CDH12: variants seen among roughly 807,000 people sequenced by gnomAD.
The protein encoded by CDH12 is cadherin 12, also known as cadherin-12.
In CDH12, 41 loss-of-function variants were observed where a neutral mutation model predicts 74.1. That is an observed-to-expected ratio of 0.55 (90% CI 0.43 to 0.72). CDH12 has a LOEUF of 0.72. Among genes scored for constraint, CDH12 ranks in the 30% least tolerant of loss-of-function variants. The pLI is 0.00. For missense variants in CDH12, 945 were observed against 977.2 expected (o/e 0.97, Z 0.44); for synonymous variants, 399 against 355.0 (o/e 1.12, Z -1.39).
At chr5:22,636,452 T>C (rs1481521026) in intron 1 of CDH12, among the ~76,000 whole-genome samples, 1 of 152,192 alleles carries the variant, frequency 6.6e-6, no homozygotes, top group East Asian at 1.9e-4. Context: ...AAATGCAATA[T>C]TGTATATCCA....
intron 13 of CDH12, among the ~76,000 whole-genome samples, chr5:21,759,546 ATAT>A (rs750651716): frequency 7.2e-5 from 11 of 152,268 alleles, no homozygotes; most frequent in East Asian, 1.9e-4. Flanking sequence ...TTAATAAAAA[ATAT>A]TATGAGGTTG....
intron 1 of CDH12, among the ~76,000 whole-genome samples, chr5:22,729,697 C>A (rs920049067): frequency 2.0e-5 from 3 of 151,846 alleles, no homozygotes; most frequent in African/African-American, 7.3e-5. Context: ...AAGTAGAAAT[C>A]CTCTTAGTAG....
chr5:22,298,648 A>G (rs1223490014), intron 3 of CDH12, among the ~76,000 whole-genome samples: 2 of 152,160 alleles, frequency 1.3e-5, no homozygotes, highest in Non-Finnish European at 1.5e-5. Context: ...AGCATTCACT[A>G]TTCTCATTCA....
chr5:21,928,582 G>A (rs914557504), intron 6 of CDH12, among the ~76,000 whole-genome samples: 4 of 152,192 alleles, frequency 2.6e-5, no homozygotes, highest in Middle Eastern at 3.2e-3. Context: ...TGATGTATGA[G>A]GATTAGAGTT....
intron 2 of CDH12, among the ~76,000 whole-genome samples, chr5:22,424,002 C>CAAAAAAAAAAAAAAAAAAAAAAAAAAAA (rs1165781089): frequency 3.2e-5 from 1 of 31,222 alleles, no homozygotes; most frequent in Non-Finnish European, 6.4e-5. Context: ...GACTCTGTCT[C>CAAAAAAAAAAAAAAAAAAAAAAAAAAAA]AAAAAAAAAA....
chr5:22,625,661 C>G (rs1320098248), intron 1 of CDH12, among the ~76,000 whole-genome samples: 1 of 152,176 alleles, frequency 6.6e-6, no homozygotes, highest in Non-Finnish European at 1.5e-5. Context: ...CCTGTCCTAT[C>G]TGAGTGGCCC....
At chr5:22,375,087 T>C (rs1350986497) in intron 3 of CDH12, among the ~76,000 whole-genome samples, 1 of 152,048 alleles carries the variant, frequency 6.6e-6, no homozygotes. Flanking sequence ...CAGCTTCACA[T>C]TGGTATAAAA....
chr5:22,566,132 A>C (rs1739269119), intron 1 of CDH12, among the ~76,000 whole-genome samples: 2 of 152,340 alleles, frequency 1.3e-5, no homozygotes, highest in South Asian at 4.1e-4. Flanking sequence ...CACACACACA[A>C]AAGAATATAT....
rs75932726 is a variant in CDH12 at position 22,658,099 on chromosome 5, T to A, written c.-522-152735A>T. Among the ~76,000 whole-genome samples, 1,510 of 152,258 alleles carry A rather than the reference T, an allele frequency of 9.9e-3. 26 individuals carry two copies. The highest frequency in any genetic ancestry group is 0.041 in the Admixed American group (623 of 15,284). On this transcript the variant is annotated intron_variant, in intron 1 of 14. Coordinates refer to ENST00000382254, the MANE Select transcript of CDH12 (RefSeq NM_004061.5). The stretch of plus-strand genomic sequence containing the variant: ...TGTAGTGATAGCTTTTGCATATGAA[T>A]CACCTGATCTGTCACTGAGTTAAGT...
chr5:22,558,860 G>T (rs905097997), intron 1 of CDH12, among the ~76,000 whole-genome samples: 2 of 152,024 alleles, frequency 1.3e-5, no homozygotes, highest in Non-Finnish European at 2.9e-5. Flanking sequence ...AAGGGAAAGC[G>T]AGATGAACAT....
chr5:22,595,148 A>G (rs892149209), intron 1 of CDH12, among the ~76,000 whole-genome samples: 2 of 152,242 alleles, frequency 1.3e-5, no homozygotes, highest in Non-Finnish European at 2.9e-5. Flanking sequence ...ATATTTAAAC[A>G]AAATTGTTAT....
At chr5:22,785,451 AT>A in intron 1 of CDH12, among the ~76,000 whole-genome samples, 1 of 152,116 alleles carries the variant, frequency 6.6e-6, no homozygotes, top group African/African-American at 2.4e-5. Context: ...GATTAACTGA[AT>A]TTCTGAGAAA....
At chr5:22,254,175 T>A (rs1364635014) in intron 3 of CDH12, among the ~76,000 whole-genome samples, 1 of 151,876 alleles carries the variant, frequency 6.6e-6, no homozygotes, top group East Asian at 1.9e-4. Flanking sequence ...TATACATGAA[T>A]AACTAGGTTT....
intron 1 of CDH12, among the ~76,000 whole-genome samples, chr5:22,522,477 C>T (rs1455508041): frequency 6.6e-6 from 1 of 152,122 alleles, no homozygotes; most frequent in Non-Finnish European, 1.5e-5. Context: ...CTGAAAATTC[C>T]ACTGAACATT....
chr5:22,286,230 C>A (rs970157726), intron 3 of CDH12, among the ~76,000 whole-genome samples: 1 of 152,060 alleles, frequency 6.6e-6, no homozygotes, highest in African/African-American at 2.4e-5. Flanking sequence ...AAATATAATT[C>A]TCATAAAGGC....
chr5:22,265,318 T>C (rs1211089540), intron 3 of CDH12, among the ~76,000 whole-genome samples: 1 of 152,190 alleles, frequency 6.6e-6, no homozygotes, highest in African/African-American at 2.4e-5. Context: ...ACGAACACTT[T>C]CCCTTGTCAA....
chr5:22,211,711 A>C (rs566916208), intron 4 of CDH12, among the ~76,000 whole-genome samples: 12 of 152,042 alleles, frequency 7.9e-5, no homozygotes, highest in African/African-American at 2.9e-4. Flanking sequence ...TGATATAGGA[A>C]ATGTAAGCTT....
intron 5 of CDH12, among the ~76,000 whole-genome samples, chr5:21,985,663 A>C (rs1757482915): frequency 6.6e-6 from 1 of 152,120 alleles, no homozygotes; most frequent in South Asian, 2.1e-4. Flanking sequence ...AAATAATTTT[A>C]TTATGTACAA....
rs565482367 is a variant in CDH12 at position 21,889,672 on chromosome 5, C to G, written c.527-34882G>C. The G allele has an allele frequency of 4.5e-5, 44 of 985,012 alleles. No homozygotes were observed. In the South Asian group the frequency reaches 1.5e-3, roughly 33 times the overall value. The allele number at this position is 985,012 out of a possible 1,614,324, so 61.0% of individuals were successfully genotyped here. A position where few individuals can be genotyped will look rare whatever the true frequency, so the allele number is the denominator to read the frequency against. On this transcript the variant is annotated intron_variant, in intron 6 of 14. Coordinates refer to ENST00000382254, the MANE Select transcript of CDH12 (RefSeq NM_004061.5). Reference sequence around the variant, plus strand: ...TGCCATCAGTATCCTGAATGCTGAACAAAATCAGAAAGTATTCTCCAGTTC... The same window carrying G: ...TGCCATCAGTATCCTGAATGCTGAAGAAAATCAGAAAGTATTCTCCAGTTC...
Sources: gnomAD v4.1 joint callset for allele counts (sites outside exome capture counted in the v4.1 genomes callset) on GRCh38, gnomAD v4.1.1 for gene constraint, MANE v1.5 for transcripts, NCBI Gene and HGNC (gene_info 2026-07-23, HGNC 2026-07-21) for gene names.